Variants in DLG1 observed in about 807,000 individuals in gnomAD.
DLG1 encodes the protein disks large homolog 1.
Under a neutral mutation model 123.4 loss-of-function variants are expected in DLG1, and 42 were observed. The observed-to-expected ratio is 0.34, with a 90% CI of 0.27 to 0.44. The LOEUF (loss-of-function observed/expected upper bound fraction) is 0.44. DLG1 is among the 20% of genes least tolerant of loss of function. DLG1 has a pLI of 1.00. For missense variants in DLG1, 942 were observed against 1,082.6 expected (o/e 0.87, Z 1.82); for synonymous variants, 317 against 356.2 (o/e 0.89, Z 1.24).
chr3:197,110,904 TC>T (rs1178292618), intron 13 of DLG1, among the ~76,000 whole-genome samples: 1 of 152,176 alleles, frequency 6.6e-6, no homozygotes, highest in Admixed American at 6.5e-5. Context: ...AGGCTCATGA[TC>T]AGGTAGAGGT....
intron 20 of DLG1, 74 bp downstream of exon 20, chr3:197,066,630 T>G: frequency 8.7e-7 from 1 of 1,155,074 alleles, no homozygotes; most frequent in Non-Finnish European, 1.2e-6. Context: ...TTTTGGGGTA[T>G]GAGAATTTTT....
At chr3:197,245,876 A>C (rs1751390958) in intron 4 of DLG1, among the ~76,000 whole-genome samples, 1 of 121,142 alleles carries the variant, frequency 8.3e-6, no homozygotes, top group Admixed American at 9.7e-5. Context: ...ATGTCCTGGG[A>C]CATGGACAAT....
intron 4 of DLG1, among the ~76,000 whole-genome samples, chr3:197,261,411 C>G (rs1371382810): frequency 3.3e-5 from 5 of 152,206 alleles, no homozygotes; most frequent in African/African-American, 1.2e-4. Context: ...CACTGCACTC[C>G]AGCCTGGGCA....
chr3:197,157,440 C>A (rs1256093352), intron 5 of DLG1, among the ~76,000 whole-genome samples: 2 of 151,958 alleles, frequency 1.3e-5, no homozygotes, highest in African/African-American at 4.8e-5. Context: ...TCGAAAAGAA[C>A]AAATTTTCAG....
At chr3:197,189,482 T>C (rs1267143057) in intron 5 of DLG1, among the ~76,000 whole-genome samples, 3 of 152,148 alleles carry the variant, frequency 2.0e-5, no homozygotes, top group Admixed American at 6.5e-5. Context: ...TCTGCTGGGA[T>C]TGAAAATCCT....
chr3:197,168,975 C>T (rs1802746338), intron 5 of DLG1, among the ~76,000 whole-genome samples: 1 of 152,108 alleles, frequency 6.6e-6, no homozygotes, highest in Admixed American at 6.5e-5. Context: ...CTTTTAAAAA[C>T]CAGTATCAAA....
At chr3:197,161,489 C>T (rs1161401535) in intron 5 of DLG1, 2 of 447,088 alleles carry the variant, frequency 4.5e-6, no homozygotes, top group Non-Finnish European at 7.9e-6. Flanking sequence ...TATATTAAAT[C>T]CCAAATGTTT....
intron 5 of DLG1, among the ~76,000 whole-genome samples, chr3:197,168,906 G>A (rs774991464): frequency 6.6e-5 from 10 of 152,118 alleles, no homozygotes; most frequent in Non-Finnish European, 1.2e-4. Context: ...TATTAACACC[G>A]TCACAAGGAA....
At chr3:197,198,458 G>C (rs1311867248) in intron 4 of DLG1, among the ~76,000 whole-genome samples, 1 of 145,070 alleles carries the variant, frequency 6.9e-6, no homozygotes, top group African/African-American at 2.6e-5. Context: ...CTGTACTCCA[G>C]CCTGGGTGAC....
intron 18 of DLG1, chr3:197,070,798 CTG>C (rs1342055530): frequency 6.6e-6 from 1 of 151,866 alleles, no homozygotes; most frequent in African/African-American, 2.4e-5. Flanking sequence ...TATTGAACCT[CTG>C]AGCTCACGTG....
At chr3:197,046,420 A>G (rs534076931) in intron 24 of DLG1, among the ~76,000 whole-genome samples, 1 of 152,376 alleles carries the variant, frequency 6.6e-6, no homozygotes, top group African/African-American at 2.4e-5. Flanking sequence ...AATTAGCATC[A>G]TAAGTAACGG....
At chr3:197,141,927 G>A (rs1788251141) in intron 7 of DLG1, among the ~76,000 whole-genome samples, 1 of 152,142 alleles carries the variant, frequency 6.6e-6, no homozygotes, top group Non-Finnish European at 1.5e-5. Flanking sequence ...GGCTGGTCTT[G>A]AACTTCTGGC....
chr3:197,285,663 G>A (rs1201765299), intron 3 of DLG1, among the ~76,000 whole-genome samples: 1 of 152,088 alleles, frequency 6.6e-6, no homozygotes, highest in African/African-American at 2.4e-5. Flanking sequence ...AATATCACCA[G>A]GGAATTTCAA....
intron 13 of DLG1, among the ~76,000 whole-genome samples, chr3:197,112,747 T>C (rs1770813065): frequency 6.6e-6 from 1 of 151,998 alleles, no homozygotes; most frequent in Admixed American, 6.6e-5. Flanking sequence ...CCCACTACTA[T>C]GTCTGGCTAA....
chr3:197,066,626 G>T (rs750855691), intron 20 of DLG1, 78 bp downstream of exon 20: 59 of 1,082,180 alleles, frequency 5.5e-5, no homozygotes, highest in Non-Finnish European at 7.7e-5. Context: ...CATTTTTTGG[G>T]GTATGAGAAT....
intron 5 of DLG1, chr3:197,183,908 TC>T: frequency 6.8e-7 from 1 of 1,468,662 alleles, no homozygotes; most frequent in South Asian, 1.4e-5. Context: ...TACAGCAGCA[TC>T]ACTTGTAGAT....
In DLG1 at chr3:197,131,584, C is replaced by CTTTTTT. The variant is rs773487577; in HGVS notation, c.1021-919_1021-914dup. On this transcript the variant is annotated intron_variant, in intron 10 of 24. Coordinates refer to ENST00000667157, the MANE Select transcript of DLG1 (RefSeq NM_001366207.1). Reference sequence around the variant, plus strand: ...CAAATATAGTTTTATTTCTTCCTTTCTTTTTTTTTTTTTTTTTTTTTTTTT... The same window carrying CTTTTTT: ...CAAATATAGTTTTATTTCTTCCTTTCTTTTTTTTTTTTTTTTTTTTTTTTTTTTTTT... Among the ~76,000 whole-genome samples the CTTTTTT allele has an allele frequency of 1.3e-3, 87 of 65,780 alleles. 3 individuals are homozygous for CTTTTTT. The highest frequency in any genetic ancestry group is 0.02 in the Middle Eastern group (1 of 50). The allele number at this position is 65,780 out of a possible 152,430, so 43.2% of individuals were successfully genotyped here.
chr3:197,247,457 C>T (rs1376444514), intron 4 of DLG1, among the ~76,000 whole-genome samples: 1 of 152,068 alleles, frequency 6.6e-6, no homozygotes, highest in East Asian at 1.9e-4. Context: ...TGGTTTCTGG[C>T]TTGCCCCCTA....
rs373190090 is a variant in DLG1, at chr3:197,222,170, A to G, written c.319-27581T>C. Among the ~76,000 whole-genome samples, 4 of 152,320 alleles carry G rather than the reference A, an allele frequency of 2.6e-5. No homozygotes were observed. In the East Asian group the frequency reaches 7.7e-4, roughly 29 times the overall value. ...TGGATACGAACAGCTGACTGCAGTT[A>G]GGTTTCCAACTCTCCCTTACTACTA... On this transcript the variant is annotated intron_variant, in intron 4 of 24. Coordinates refer to ENST00000667157, the MANE Select transcript of DLG1 (RefSeq NM_001366207.1).
Sources: allele counts gnomAD v4.1 joint callset (sites outside exome capture counted in the v4.1 genomes callset), GRCh38; gene constraint gnomAD v4.1.1; transcripts MANE v1.5; gene names NCBI Gene and HGNC (gene_info 2026-07-23, HGNC 2026-07-21).